SLC1A1: variants seen among roughly 807,000 people sequenced by gnomAD.
The protein encoded by SLC1A1 is solute carrier family 1 member 1.
In SLC1A1, 43 loss-of-function variants were observed where a neutral mutation model predicts 53.3. The ratio of observed to expected loss-of-function variants is 0.81; its 90% CI spans 0.63 to 1.04. The LOEUF (loss-of-function observed/expected upper bound fraction) is 1.04, where lower values mean the gene tolerates loss of function less well. Ranked by LOEUF, SLC1A1 falls within the 50% of genes least tolerant of loss-of-function variation. The pLI is 0.00. For synonymous variants in SLC1A1, 307 were observed against 243.2 expected, an observed-to-expected ratio of 1.26 and a Z score of -2.44; for missense variants, 748 against 664.9, an observed-to-expected ratio of 1.12 and a Z score of -1.37.
chr9:4,566,675 A>T (rs1819514579), intron 5 of SLC1A1, among the ~76,000 whole-genome samples: 1 of 152,094 alleles, frequency 6.6e-6, no homozygotes, highest in Non-Finnish European at 1.5e-5. Flanking sequence ...TGGCAAGACC[A>T]TGTCTCTAAA....
At chr9:4,499,040 A>G (rs144705756) in intron 1 of SLC1A1, among the ~76,000 whole-genome samples, 3,506 of 111,820 alleles carry the variant, frequency 0.031, 146 homozygotes, top group African/African-American at 0.12. Flanking sequence ...TTATATATGT[A>G]TATATATATC....
At position 4,567,726 on chromosome 9, in the gene SLC1A1, G is replaced by GCAGGCATA; in HGVS notation, c.541_542insCAGGCATA (p.Glu181AlafsTer11). 1 of 1,613,298 alleles carries GCAGGCATA rather than the reference G, an allele frequency of 6.2e-7. No homozygotes were observed. The highest frequency in any genetic ancestry group is 8.5e-7 in the Non-Finnish European group (1 of 1,179,388). On this transcript the variant is annotated frameshift_variant, in exon 6 of 12. Coordinates refer to ENST00000262352, the MANE Select transcript of SLC1A1 (RefSeq NM_004170.6). LOFTEE classifies it high-confidence loss of function. ...CAGCGATCCAGAGATGAACATGACA[G>GCAGGCATA]AAGAGTCCTTCACAGCTGTCATGAC...
At chr9:4,566,605 TG>T (rs1357541349) in intron 5 of SLC1A1, among the ~76,000 whole-genome samples, 1 of 152,134 alleles carries the variant, frequency 6.6e-6, no homozygotes, top group African/African-American at 2.4e-5. Context: ...CCCAGCACTT[TG>T]GGAGGCCAAG....
intron 6 of SLC1A1, among the ~76,000 whole-genome samples, chr9:4,569,827 A>G (rs1054146897): frequency 2.0e-5 from 3 of 152,122 alleles, no homozygotes; most frequent in Admixed American, 2.0e-4. Context: ...TTGTTCCACA[A>G]ATACTTTCTG....
chr9:4,583,882 T>TCTCTCA lies in SLC1A1; in HGVS notation c.1328+711_1328+712insTCTCAC, dbSNP rs1423949414. Among the ~76,000 whole-genome samples, 61 of 137,040 alleles carry TCTCTCA rather than the reference T, an allele frequency of 4.5e-4. No individual in the cohort carries two copies. Among genetic ancestry groups the TCTCTCA allele is most frequent in the Middle Eastern group, 3.7e-3 (1 of 270 alleles). 89.9% of individuals were successfully genotyped at this position (137,040 alleles called of 152,430 possible). Reference sequence around the variant, plus strand: ...CTCTCTCTCTCTCTCTCTCTCTCTCTCACACACACACACACACACACACAC... The same window carrying TCTCTCA: ...CTCTCTCTCTCTCTCTCTCTCTCTCTCTCTCACACACACACACACACACACACACAC... On this transcript the variant is annotated intron_variant, in intron 11 of 11. Coordinates refer to ENST00000262352, the MANE Select transcript of SLC1A1 (RefSeq NM_004170.6). The surrounding 1 kb of genome is among the most constrained non-coding windows in gnomAD (Gnocchi z 4.6).
rs751493278 is a variant in SLC1A1, at chr9:4,576,522, G to C, written c.999-47G>C. On this transcript the variant is annotated intron_variant, in intron 9 of 11. Transcript: ENST00000262352. ...AGGCATGTCTTCAGGCAGGGACTAA[G>C]GTCCAGCATTTCTAGACATAAGTTC... 6 of 1,492,204 alleles carry C rather than the reference G, an allele frequency of 4.0e-6. No homozygotes were observed. In the South Asian group the frequency reaches 4.5e-5, roughly 11 times the overall value. 92.4% of individuals were successfully genotyped at this position (1,492,204 alleles called of 1,614,324 possible).
rs6150901 is a variant in SLC1A1, at chr9:4,545,189, G to GTCTCTCTCTCTCTCTCTCTCTCTCTC, written c.232+487_232+512dup. Among the ~76,000 whole-genome samples, 555 of 130,954 alleles carry GTCTCTCTCTCTCTCTCTCTCTCTCTC rather than the reference G, an allele frequency of 4.2e-3. 13 individuals carry two copies. The highest frequency in any genetic ancestry group is 5.2e-3 in the Non-Finnish European group (326 of 62,524). 85.9% of individuals were successfully genotyped at this position (130,954 alleles called of 152,430 possible). Reference sequence around the variant, plus strand: ...CGGGAAAAATTGAAATACATTAGATGTCTCTCTCTCTCTCTCTCTCTCTCT... The same window carrying GTCTCTCTCTCTCTCTCTCTCTCTCTC: ...CGGGAAAAATTGAAATACATTAGATGTCTCTCTCTCTCTCTCTCTCTCTCTCTCTCTCTCTCTCTCTCTCTCTCTCT... On this transcript the variant is annotated intron_variant, in intron 2 of 11. Transcript: ENST00000262352.
chr9:4,529,667 G>A (rs1816392794), intron 1 of SLC1A1, among the ~76,000 whole-genome samples: 1 of 152,044 alleles, frequency 6.6e-6, no homozygotes, highest in South Asian at 2.1e-4. Context: ...AAAAGCCTCT[G>A]CCATCAGTCA....
intron 1 of SLC1A1, among the ~76,000 whole-genome samples, chr9:4,538,900 T>A (rs529416642): frequency 6.6e-6 from 1 of 152,340 alleles, no homozygotes; most frequent in Admixed American, 6.5e-5. Flanking sequence ...TCTAAACTTA[T>A]TTACTCATCA....
rs1194204799 is a variant in SLC1A1 at position 4,572,240 on chromosome 9, T to G, written c.619T>G (p.Ser207Ala). The G allele has an allele frequency of 2.5e-6, 4 of 1,613,960 alleles. No homozygotes were observed. In the African/African-American group the frequency reaches 5.3e-5, roughly 22 times the overall value. ...GGAATACAAAATTGTTGGCATGTAT[T>G]CAGATGGCATAAACGTCCTGGGCTT... ...TKEYKIVGMY[S>A]DGINVLGLIV... Residue 207 changes from serine to alanine, a missense_variant, in exon 7 of 12, where the codon TCA becomes GCA. Transcript: ENST00000262352.
chr9:4,561,010 A>AACAT (rs1375197845), intron 2 of SLC1A1, among the ~76,000 whole-genome samples: 2 of 151,606 alleles, frequency 1.3e-5, no homozygotes, highest in African/African-American at 4.9e-5. Context: ...CAAACAAACA[A>AACAT]ACAAACAACA....
chr9:4,585,265 A>T, intron 11 of SLC1A1, 47 bp from the exon 12 acceptor site: 1 of 1,611,680 alleles, frequency 6.2e-7, no homozygotes, highest in South Asian at 1.1e-5. Context: ...GTGATGAAGG[A>T]AAATGAAATC....
intron 1 of SLC1A1, among the ~76,000 whole-genome samples, chr9:4,515,012 ACTCT>A (rs1201282982): frequency 2.0e-5 from 3 of 146,458 alleles, no homozygotes; most frequent in Non-Finnish European, 4.5e-5. Context: ...TTTCTCGCTG[ACTCT>A]CTCTCTCCTC....
chr9:4,536,457 G>A (rs932105143), intron 1 of SLC1A1, among the ~76,000 whole-genome samples: 4 of 152,272 alleles, frequency 2.6e-5, no homozygotes, highest in Admixed American at 6.5e-5. Flanking sequence ...GATCATCACT[G>A]GTCATCAGAG....
chr9:4,574,061 A>T (rs1417475426), intron 8 of SLC1A1, 47 bp downstream of exon 8: 1 of 1,264,586 alleles, frequency 7.9e-7, no homozygotes, highest in Non-Finnish European at 1.2e-6. Flanking sequence ...TTGATCTAAT[A>T]GGATGGCCGC....
intron 2 of SLC1A1, among the ~76,000 whole-genome samples, chr9:4,551,837 A>T (rs1817955027): frequency 6.6e-6 from 1 of 152,220 alleles, no homozygotes; most frequent in Non-Finnish European, 1.5e-5. Flanking sequence ...GTTGAGTTAG[A>T]ATACAGCTGT....
chr9:4,551,207 T>C (rs761709413), intron 2 of SLC1A1, among the ~76,000 whole-genome samples: 14 of 152,142 alleles, frequency 9.2e-5, no homozygotes, highest in Admixed American at 2.6e-4. Flanking sequence ...TCTTTGGGGC[T>C]GAGGAAGGCT....
At chr9:4,510,988 C>A (rs1177567375) in intron 1 of SLC1A1, among the ~76,000 whole-genome samples, 1 of 152,198 alleles carries the variant, frequency 6.6e-6, no homozygotes, top group Non-Finnish European at 1.5e-5. Context: ...TGCCTTTTAT[C>A]TGTTATGTTC....
intron 1 of SLC1A1, among the ~76,000 whole-genome samples, chr9:4,532,625 T>G (rs879889915): frequency 4.6e-5 from 7 of 152,176 alleles, no homozygotes; most frequent in African/African-American, 1.7e-4. Flanking sequence ...AGGAACCAAG[T>G]TGGAAAACAC....
Sources: gnomAD v4.1 joint callset for allele counts (sites outside exome capture counted in the v4.1 genomes callset) on GRCh38, gnomAD v4.1.1 for gene constraint, Gnocchi (gnomAD v3.1) non-coding constraint, MANE v1.5 for transcripts, NCBI Gene and HGNC (gene_info 2026-07-23, HGNC 2026-07-21) for gene names.